Variants in NAALADL2 observed in about 807,000 individuals in gnomAD.
NAALADL2 encodes the protein inactive N-acetylated-alpha-linked acidic dipeptidase-like protein 2.
A neutral mutation model predicts 87.2 loss-of-function variants in NAALADL2; 76 were observed. The observed-to-expected ratio is 0.87, with a 90% CI of 0.72 to 1.05. NAALADL2 has a LOEUF of 1.05. Among genes scored for constraint, NAALADL2 ranks in the 50% least tolerant of loss-of-function variants. The pLI is 0.00. For missense variants in NAALADL2, 1,089 were observed against 945.8 expected, an observed-to-expected ratio of 1.15 and a Z score of -1.99; for synonymous variants, 354 against 331.0, an observed-to-expected ratio of 1.07 and a Z score of -0.75.
At chr3:175,078,116 C>T in intron 1 of NAALADL2, among the ~76,000 whole-genome samples, 1 of 151,828 alleles carries the variant, frequency 6.6e-6, no homozygotes, top group Non-Finnish European at 1.5e-5. Flanking sequence ...CCTCTGCCTC[C>T]CAGGTTCAAG....
intron 2 of NAALADL2, among the ~76,000 whole-genome samples, chr3:175,177,111 T>C (rs895962466): frequency 6.6e-6 from 1 of 152,034 alleles, no homozygotes; most frequent in African/African-American, 2.4e-5. Context: ...AACCATTTCC[T>C]TCCTCATGCC....
chr3:174,737,835 C>G (rs745514592), intron 3 of NAALADL2: 1 of 152,036 alleles, frequency 6.6e-6, no homozygotes, highest in Non-Finnish European at 1.5e-5. Context: ...CTATAGTGTG[C>G]CAATAGCTGC....
intron 2 of NAALADL2, among the ~76,000 whole-genome samples, chr3:174,701,812 G>T (rs997875553): frequency 3.9e-5 from 6 of 152,026 alleles, no homozygotes; most frequent in Admixed American, 3.3e-4. Flanking sequence ...CCATTGGAAG[G>T]GTATATCACC....
At chr3:174,570,385 A>G (rs542341446) in intron 2 of NAALADL2, among the ~76,000 whole-genome samples, 13 of 152,166 alleles carry the variant, frequency 8.5e-5, no homozygotes, top group Non-Finnish European at 1.8e-4. Flanking sequence ...TGAGCTCATA[A>G]TTAAGTAAGA....
intron 9 of NAALADL2, among the ~76,000 whole-genome samples, chr3:175,567,978 A>T (rs992919080): frequency 3.3e-5 from 5 of 152,110 alleles, no homozygotes; most frequent in African/African-American, 1.2e-4. Flanking sequence ...GGCCTCCCAA[A>T]GTGCTGGGAT....
At chr3:174,987,396 C>T (rs1285193943) in intron 1 of NAALADL2, among the ~76,000 whole-genome samples, 2 of 149,600 alleles carry the variant, frequency 1.3e-5, no homozygotes, top group East Asian at 4.0e-4. Context: ...GGTGAAACCC[C>T]GTCTCTACTA....
chr3:174,472,250 C>T (rs1716951835), intron 1 of NAALADL2, among the ~76,000 whole-genome samples: 1 of 152,168 alleles, frequency 6.6e-6, no homozygotes, highest in Non-Finnish European at 1.5e-5. Flanking sequence ...TTTACTATAC[C>T]TTTTCCAGTT....
chr3:174,943,239 C>T (rs1738887853), intron 1 of NAALADL2, among the ~76,000 whole-genome samples: 1 of 152,086 alleles, frequency 6.6e-6, no homozygotes, highest in Admixed American at 6.6e-5. Flanking sequence ...TGGGCTGAGG[C>T]TTTGTGCAGG....
rs945012124 is a variant in NAALADL2 at position 175,805,792 on chromosome 3, C to T, written c.*2589C>T. The T allele has an allele frequency of 2.6e-5, 4 of 151,926 alleles. No individual in the cohort carries two copies. The highest frequency in any genetic ancestry group is 2.1e-4 in the South Asian group (1 of 4,816). 9.4% of individuals were successfully genotyped at this position (151,926 alleles called of 1,614,324 possible). ...TGAAGAAAATGTGGTAAAGGTGTAA[C>T]GGTGAAATTTATGTTCAGGCAGGGT... On this transcript the variant is annotated 3_prime_UTR_variant, in exon 14 of 14. Transcript: ENST00000454872.
At chr3:174,603,711 T>A (rs528645084) in intron 2 of NAALADL2, among the ~76,000 whole-genome samples, 1 of 152,102 alleles carries the variant, frequency 6.6e-6, no homozygotes, top group Non-Finnish European at 1.5e-5. Flanking sequence ...TGTAGGCACT[T>A]ATAGCTATAA....
At position 174,738,697 on chromosome 3, in the gene NAALADL2, G is replaced by A. The variant is rs138288130; in HGVS notation, c.-9+951G>A. On this transcript the variant is annotated intron_variant, in intron 3 of 3. Transcript: ENST00000434257. The stretch of plus-strand genomic sequence containing the variant: ...TTAATTTCTAAGGTTATTTCCACTC[G>A]ACACATGTCTATAGAATTTTGTTAC... Among the ~76,000 whole-genome samples the A allele has an allele frequency of 7.7e-3, 1,169 of 152,254 alleles. 16 individuals carry two copies. Among genetic ancestry groups the A allele is most frequent in the Middle Eastern group, 0.027 (8 of 294 alleles).
intron 5 of NAALADL2, among the ~76,000 whole-genome samples, chr3:175,411,498 G>A (rs1054567484): frequency 1.3e-5 from 2 of 151,728 alleles, no homozygotes; most frequent in African/African-American, 2.4e-5. Context: ...GAAAAATGAA[G>A]TAAAATGTAA....
At position 175,515,277 on chromosome 3, in the gene NAALADL2, C is replaced by A. The variant is rs74482988; in HGVS notation, c.1653+43519C>A. ...CAGAAATAGCTAGTATCAAACAGAGCCTGTGGTTTCTGCTGGTAGAGGCCT... is the reference window on the plus strand; with the variant it reads ...CAGAAATAGCTAGTATCAAACAGAGACTGTGGTTTCTGCTGGTAGAGGCCT... On this transcript the variant is annotated intron_variant, in intron 9 of 13. Transcript: ENST00000454872. Among the ~76,000 whole-genome samples, 1,122 of 152,188 alleles carry A rather than the reference C, an allele frequency of 7.4e-3. 14 individuals carry two copies. The highest frequency in any genetic ancestry group is 0.026 in the African/African-American group (1,078 of 41,530).
chr3:174,886,732 A>G lies in NAALADL2; in HGVS notation c.43+27282A>G, dbSNP rs575562192. On this transcript the variant is annotated intron_variant, in intron 1 of 13. Transcript: ENST00000454872. Reference sequence around the variant, plus strand: ...CTATAAGCCTCTTTAAAAAGGGTGAATGCTATTAGGTGAAGTTGATAATAG... The same window carrying G: ...CTATAAGCCTCTTTAAAAAGGGTGAGTGCTATTAGGTGAAGTTGATAATAG... Among the ~76,000 whole-genome samples the G allele has an allele frequency of 3.9e-4, 59 of 152,296 alleles. 1 individual carries two copies. In the Middle Eastern group the frequency reaches 0.034, roughly 88 times the overall value.
intron 2 of NAALADL2, among the ~76,000 whole-genome samples, chr3:175,178,509 T>C (rs1036013975): frequency 2.0e-5 from 3 of 152,176 alleles, no homozygotes; most frequent in Admixed American, 6.6e-5. Flanking sequence ...TTATTACAGA[T>C]AGAGTCCAGT....
chr3:175,713,221 A>C (rs186837476), intron 11 of NAALADL2, among the ~76,000 whole-genome samples: 246 of 152,266 alleles, frequency 1.6e-3, no homozygotes, highest in Admixed American at 3.3e-3. Flanking sequence ...TGGTGAATTG[A>C]CAAAATGCTT....
intron 2 of NAALADL2, among the ~76,000 whole-genome samples, chr3:174,618,714 G>T (rs1289063081): frequency 6.6e-6 from 1 of 151,656 alleles, no homozygotes; most frequent in Admixed American, 6.6e-5. Context: ...AAGTTCAAAA[G>T]CACTTATATA....
intron 3 of NAALADL2, among the ~76,000 whole-genome samples, chr3:175,250,164 G>A (rs544975258): frequency 2.1e-5 from 3 of 145,756 alleles, no homozygotes; most frequent in Non-Finnish European, 3.0e-5. Flanking sequence ...AGCAAAATTC[G>A]GTCTTAAAAA....
chr3:175,687,619 G>A (rs1560976573), intron 11 of NAALADL2, among the ~76,000 whole-genome samples: 1 of 152,114 alleles, frequency 6.6e-6, no homozygotes, highest in Non-Finnish European at 1.5e-5. Flanking sequence ...TGCTGCCTTG[G>A]TATTTGTTAT....
Sources: allele counts gnomAD v4.1 joint callset (sites outside exome capture counted in the v4.1 genomes callset), GRCh38; gene constraint gnomAD v4.1.1; transcripts MANE v1.5; gene names NCBI Gene and HGNC (gene_info 2026-07-23, HGNC 2026-07-21).